The following PHACTR3 variants were observed in gnomAD, a reference collection of about 807,000 sequenced individuals.
The protein encoded by PHACTR3 is phosphatase and actin regulator 3.
Under a neutral mutation model 66.8 loss-of-function variants are expected in PHACTR3, and 16 were observed. The ratio of observed to expected loss-of-function variants is 0.24; its 90% CI spans 0.16 to 0.36. The LOEUF (loss-of-function observed/expected upper bound fraction) is 0.36, where lower values mean the gene tolerates loss of function less well. Among genes scored for constraint, PHACTR3 ranks in the 10% least tolerant of loss-of-function variants. The probability of loss-of-function intolerance (pLI) is 1.00; values close to 1 mark genes in which losing one functional copy is unlikely to be tolerated. For synonymous variants in PHACTR3, 323 were observed against 292.1 expected (o/e 1.11, Z -1.08); for missense variants, 647 against 719.9 (o/e 0.90, Z 1.16).
intron 8 of PHACTR3, 103 bp from the exon 9 acceptor site, chr20:59,836,402 G>A (rs1005579621): frequency 1.9e-6 from 2 of 1,063,692 alleles, no homozygotes; most frequent in Non-Finnish European, 2.7e-6. Context: ...TTTGGGAGGC[G>A]ATCTATAGGG....
chr20:59,846,785 T>A (rs1358152323), intron 12 of PHACTR3, among the ~76,000 whole-genome samples: 1 of 152,212 alleles, frequency 6.6e-6, no homozygotes, highest in Admixed American at 6.5e-5. Flanking sequence ...AACTCTACTA[T>A]AATTTTCAAT....
Position 59,830,640 on chromosome 20 carries a change from C to T in PHACTR3, c.1329-5865C>T, listed in dbSNP as rs982957104. ...GAAGGTGGAAGAGACCTGGGCTCAG[C>T]ACGCCAGGTGAATAATATCAGTGCT... On this transcript the variant is annotated intron_variant, in intron 8 of 12. Coordinates refer to ENST00000371015, the MANE Select transcript of PHACTR3 (RefSeq NM_080672.5). The surrounding 1 kb of genome is among the most constrained non-coding windows in gnomAD (Gnocchi z 5.8). 4.6e-5 allele frequency among the ~76,000 whole-genome samples: 7 copies of T among 152,172 alleles called. No homozygotes were observed. Among genetic ancestry groups the T allele is most frequent in the African/African-American group, 7.2e-5 (3 of 41,444 alleles).
At chr20:59,616,135 A>G (rs1410961289) in intron 1 of PHACTR3, among the ~76,000 whole-genome samples, 3 of 152,016 alleles carry the variant, frequency 2.0e-5, no homozygotes, top group Non-Finnish European at 2.9e-5. Flanking sequence ...TCCCATCTGC[A>G]GAATGAGGAT....
chr20:59,671,281 G>A (rs947531233), intron 1 of PHACTR3, among the ~76,000 whole-genome samples: 1 of 152,182 alleles, frequency 6.6e-6, no homozygotes, highest in Non-Finnish European at 1.5e-5. Flanking sequence ...CTGGGGGTGC[G>A]GCTCCATGCT....
Position 59,773,397 on chromosome 20 carries a change from A to C in PHACTR3, c.870A>C (p.Pro290=), listed in dbSNP as rs748184955. Reference sequence around the variant, plus strand: ...CCACGGTCCACCGGCCTCTTCCCCCAAGCCGCGTCATTGAGGAGCTGCACA... The same window carrying C: ...CCACGGTCCACCGGCCTCTTCCCCCCAGCCGCGTCATTGAGGAGCTGCACA... ...HLTTVHRPLP[P]SRVIEELHRA... is the part of the protein sequence containing the mutation. Residue 290 remains proline (P), a synonymous_variant, in exon 6 of 13, where the codon CCA becomes CCC. Coordinates refer to ENST00000371015, the MANE Select transcript of PHACTR3 (RefSeq NM_080672.5). 1 of 1,613,990 alleles carries C rather than the reference A, an allele frequency of 6.2e-7. No homozygotes were observed. Among genetic ancestry groups the C allele is most frequent in the East Asian group, 2.2e-5 (1 of 44,868 alleles).
At chr20:59,804,008 C>T (rs1038915485) in intron 7 of PHACTR3, among the ~76,000 whole-genome samples, 1 of 152,180 alleles carries the variant, frequency 6.6e-6, no homozygotes, top group Non-Finnish European at 1.5e-5. Flanking sequence ...AAGGCATGCT[C>T]ATTTAGATTA....
intron 1 of PHACTR3, among the ~76,000 whole-genome samples, chr20:59,666,396 T>G (rs2035987453): frequency 6.6e-6 from 1 of 152,136 alleles, no homozygotes; most frequent in Non-Finnish European, 1.5e-5. Flanking sequence ...AGGGGTCACT[T>G]GAAAGTCACA....
chr20:59,747,819 G>A lies in PHACTR3; in HGVS notation c.342G>A (p.Leu114=). The A allele has an allele frequency of 6.2e-7, 1 of 1,614,110 alleles. No homozygotes were observed. Among genetic ancestry groups the A allele is most frequent in the South Asian group, 1.1e-5 (1 of 91,076 alleles). ...GREELIKKGL[L]EMMEQDAESK... ...AGGAGCTCATCAAGAAGGGGCTGCT[G>A]GAGATGATGGAGCAGGGTAAGTGGG... The change falls in exon 3 of 13, where the codon CTG becomes CTA. Residue 114 remains leucine, a synonymous_variant. Transcript: ENST00000371015.
At chr20:59,748,566 C>A (rs1322036813) in intron 3 of PHACTR3, among the ~76,000 whole-genome samples, 1 of 152,142 alleles carries the variant, frequency 6.6e-6, no homozygotes, top group African/African-American at 2.4e-5. Flanking sequence ...CTTTAATTCC[C>A]AAGTCTTTCT....
intron 7 of PHACTR3, among the ~76,000 whole-genome samples, chr20:59,792,881 T>C (rs557128958): frequency 8.8e-4 from 134 of 152,200 alleles, no homozygotes; most frequent in African/African-American, 3.1e-3. Context: ...AGTATATCTA[T>C]TTATTTTATT....
At chr20:59,656,718 A>T (rs1120468) in intron 1 of PHACTR3, among the ~76,000 whole-genome samples, 10 of 150,394 alleles carry the variant, frequency 6.6e-5, no homozygotes, top group African/African-American at 2.4e-4. Context: ...TTGTTCCTCT[A>T]TTTTTCCTTT....
chr20:59,585,977 G>A (rs548319202), intron 1 of PHACTR3, among the ~76,000 whole-genome samples: 1 of 152,194 alleles, frequency 6.6e-6, no homozygotes, highest in Non-Finnish European at 1.5e-5. Context: ...TTTTTAGACC[G>A]TCTTGAATGA....
chr20:59,714,464 G>A (rs1168725961), intron 1 of PHACTR3, among the ~76,000 whole-genome samples: 4 of 152,186 alleles, frequency 2.6e-5, no homozygotes, highest in African/African-American at 9.7e-5. Flanking sequence ...CTACTGCACA[G>A]CTGTGTTCTT....
intron 8 of PHACTR3, among the ~76,000 whole-genome samples, chr20:59,806,524 C>T (rs1277639755): frequency 6.6e-6 from 1 of 152,208 alleles, no homozygotes; most frequent in Non-Finnish European, 1.5e-5. Context: ...AAGGACTGGG[C>T]CAAACTGATG....
chr20:59,580,020 A>C (rs1343433894), intron 1 of PHACTR3, among the ~76,000 whole-genome samples: 3 of 152,078 alleles, frequency 2.0e-5, no homozygotes, highest in Non-Finnish European at 4.4e-5. Context: ...GGCTGTTTAC[A>C]CTGGGCCATT....
chr20:59,666,656 G>A (rs1363673647), intron 1 of PHACTR3, among the ~76,000 whole-genome samples: 1 of 152,158 alleles, frequency 6.6e-6, no homozygotes, highest in Non-Finnish European at 1.5e-5. Flanking sequence ...CAAAGACAGA[G>A]AGATAGAGAA....
intron 1 of PHACTR3, among the ~76,000 whole-genome samples, chr20:59,611,336 C>A (rs986875704): frequency 2.6e-5 from 4 of 152,246 alleles, no homozygotes; most frequent in African/African-American, 9.6e-5. Flanking sequence ...TTAACAAAGT[C>A]ATGGTGGCAG....
chr20:59,846,958 C>G (rs2059162627), intron 12 of PHACTR3, among the ~76,000 whole-genome samples, 157 bp from the exon 13 acceptor site: 1 of 152,088 alleles, frequency 6.6e-6, no homozygotes, highest in Admixed American at 6.5e-5. Context: ...TGAGACTCTA[C>G]CCTATTTTAA....
intron 7 of PHACTR3, among the ~76,000 whole-genome samples, chr20:59,788,493 C>A (rs1240048716): frequency 2.0e-5 from 3 of 152,142 alleles, no homozygotes; most frequent in Non-Finnish European, 4.4e-5. Flanking sequence ...CCATCCCTGC[C>A]TTTCTTCCTG....
Sources: gnomAD v4.1 joint callset for allele counts (sites outside exome capture counted in the v4.1 genomes callset) on GRCh38, gnomAD v4.1.1 for gene constraint, Gnocchi (gnomAD v3.1) non-coding constraint, MANE v1.5 for transcripts, NCBI Gene and HGNC (gene_info 2026-07-23, HGNC 2026-07-21) for gene names.